PCMT1: variants seen among roughly 807,000 people sequenced by gnomAD.
The protein encoded by PCMT1 is protein-L-isoaspartate(D-aspartate) O-methyltransferase.
Under a neutral mutation model 29.2 loss-of-function variants are expected in PCMT1, and 9 were observed. That is an observed-to-expected ratio of 0.31 (90% CI 0.19 to 0.54). The LOEUF (loss-of-function observed/expected upper bound fraction) is 0.54. Among genes scored for constraint, PCMT1 ranks in the 20% least tolerant of loss-of-function variants. The probability of loss-of-function intolerance (pLI) is 0.95; values close to 1 mark genes in which losing one functional copy is unlikely to be tolerated. For missense variants in PCMT1, 184 were observed against 282.2 expected, an observed-to-expected ratio of 0.65 and a Z score of 2.49; for synonymous variants, 98 against 97.5, an observed-to-expected ratio of 1.00 and a Z score of -0.03.
chr6:149,758,446 G>C (rs1786607205), intron 1 of PCMT1, among the ~76,000 whole-genome samples: 1 of 151,678 alleles, frequency 6.6e-6, no homozygotes, highest in Admixed American at 6.6e-5. Flanking sequence ...TCCTGACTTT[G>C]TGATCTGCCC....
chr6:149,793,129 C>T (rs1788441966), intron 4 of PCMT1, among the ~76,000 whole-genome samples: 2 of 149,326 alleles, frequency 1.3e-5, no homozygotes, highest in African/African-American at 5.0e-5. Context: ...TGCCACTGTA[C>T]TCCAGCCTGG....
intron 2 of PCMT1, 40 bp downstream of exon 2, chr6:149,771,306 T>A: frequency 1.6e-6 from 2 of 1,230,802 alleles, no homozygotes; most frequent in Non-Finnish European, 2.4e-6. Flanking sequence ...GTTTTCATCA[T>A]TTACTTTATG....
chr6:149,773,251 A>G (rs1280269248), intron 3 of PCMT1, 82 bp downstream of exon 3: 1 of 1,117,672 alleles, frequency 8.9e-7, no homozygotes, highest in East Asian at 2.4e-5. Context: ...AGATTTAAAG[A>G]AAGTTGTATC....
intron 1 of PCMT1, among the ~76,000 whole-genome samples, chr6:149,757,521 GA>G: frequency 6.6e-6 from 1 of 152,296 alleles, no homozygotes; most frequent in Non-Finnish European, 1.5e-5. Flanking sequence ...ATGGTGCTTT[GA>G]AGGGATGGAG....
At chr6:149,790,625 C>T (rs1562418373) in intron 4 of PCMT1, among the ~76,000 whole-genome samples, 1 of 150,968 alleles carries the variant, frequency 6.6e-6, no homozygotes. Flanking sequence ...GGACTCTCTA[C>T]AGTACTTGGT....
At chr6:149,788,105 G>A (rs906474955) in intron 3 of PCMT1, among the ~76,000 whole-genome samples, 1 of 152,102 alleles carries the variant, frequency 6.6e-6, no homozygotes, top group African/African-American at 2.4e-5. Flanking sequence ...TTTTAGTAGA[G>A]ATGGGGTTTT....
intron 1 of PCMT1, among the ~76,000 whole-genome samples, chr6:149,764,474 G>A (rs1369750122): frequency 6.6e-6 from 1 of 152,134 alleles, no homozygotes; most frequent in Non-Finnish European, 1.5e-5. Flanking sequence ...TCAGGCTAGG[G>A]ACAGGGGCTC....
chr6:149,752,824 C>T (rs1786376321), intron 1 of PCMT1, among the ~76,000 whole-genome samples: 1 of 151,744 alleles, frequency 6.6e-6, no homozygotes, highest in Non-Finnish European at 1.5e-5. Flanking sequence ...TTTTTTGGGC[C>T]AAATTTGTGG....
intron 1 of PCMT1, among the ~76,000 whole-genome samples, chr6:149,751,023 A>T (rs1434508130): frequency 6.6e-6 from 1 of 152,216 alleles, no homozygotes; most frequent in Non-Finnish European, 1.5e-5. Context: ...ACCATTAAAA[A>T]AAATTTTTTT....
intron 5 of PCMT1, chr6:149,794,929 C>A: frequency 2.2e-6 from 1 of 451,520 alleles, no homozygotes. Flanking sequence ...GATGTGGTGG[C>A]TCATGCCTGT....
rs772049451 is a variant in PCMT1 at position 149,749,842 on chromosome 6, C to T, written c.-60C>T. The T allele has an allele frequency of 5.1e-5, 80 of 1,574,964 alleles. No individual in the cohort carries two copies. In the African/African-American group the frequency reaches 9.0e-4, roughly 18 times the overall value. ...GGAGGTGGTCTCACTCTTGGGAAAA[C>T]TGCTGGGCACCGTCGTCGCGCTGAA... is the stretch of plus-strand genomic sequence containing the variant. On this transcript the variant is annotated 5_prime_UTR_variant, in exon 1 of 8. Transcript: ENST00000464889.
At chr6:149,782,668 A>G (rs1787861342) in intron 3 of PCMT1, among the ~76,000 whole-genome samples, 1 of 152,224 alleles carries the variant, frequency 6.6e-6, no homozygotes, top group South Asian at 2.1e-4. Flanking sequence ...CAAATTGGAG[A>G]GAATTTGAGA....
intron 7 of PCMT1, among the ~76,000 whole-genome samples, chr6:149,804,984 G>A (rs1289632244): frequency 6.6e-6 from 1 of 152,164 alleles, no homozygotes; most frequent in African/African-American, 2.4e-5. Flanking sequence ...GCTTATGCCT[G>A]TAATCCCAAT....
intron 1 of PCMT1, among the ~76,000 whole-genome samples, chr6:149,769,308 C>CTTTTGTTTTTTTTTTTTTT (rs1787214720): frequency 1.4e-5 from 1 of 71,562 alleles, no homozygotes; most frequent in Non-Finnish European, 2.2e-5. Flanking sequence ...GTGCAGGATT[C>CTTTTGTTTTTTTTTTTTTT]TTTTTTTTTT....
At chr6:149,781,912 T>C (rs1316131661) in intron 3 of PCMT1, among the ~76,000 whole-genome samples, 1 of 152,218 alleles carries the variant, frequency 6.6e-6, no homozygotes, top group Admixed American at 6.5e-5. Context: ...CATTCTTTCT[T>C]TACCTCAGCC....
chr6:149,796,365 A>G, intron 5 of PCMT1, 50 bp from the exon 6 acceptor site: 3 of 1,288,184 alleles, frequency 2.3e-6, no homozygotes, highest in Non-Finnish European at 3.4e-6. Flanking sequence ...AATTCTTCAC[A>G]TTAAGTTTGA....
rs191462812 is a variant in PCMT1, at chr6:149,757,730, A to G, written c.55+7774A>G. On this transcript the variant is annotated intron_variant, in intron 1 of 7. Coordinates refer to ENST00000464889, the MANE Select transcript of PCMT1 (RefSeq NM_001360452.2). ...GTCACCAAATATGTTGAAGCAAAGA[A>G]TGGTTGACCATTTCACTGTAAGGGA... 7.3e-3 allele frequency among the ~76,000 whole-genome samples: 1,113 copies of G among 152,304 alleles called. 21 individuals are homozygous for G. Among genetic ancestry groups the G allele is most frequent in the African/African-American group, 0.026 (1,081 of 41,560 alleles).
chr6:149,756,512 C>CTATTTTTTTTT (rs1407016123), intron 1 of PCMT1, among the ~76,000 whole-genome samples: 1 of 74,720 alleles, frequency 1.3e-5, no homozygotes, highest in African/African-American at 5.4e-5. Context: ...CCATGACTGG[C>CTATTTTTTTTT]TTTTTTTTTT....
intron 2 of PCMT1, chr6:149,772,558 A>G (rs1279292803): frequency 4.4e-6 from 2 of 453,662 alleles, no homozygotes; most frequent in Non-Finnish European, 8.8e-6. Context: ...TTCTTAGCTG[A>G]CTCTACAGGA....
Sources: allele counts gnomAD v4.1 joint callset (sites outside exome capture counted in the v4.1 genomes callset), GRCh38; gene constraint gnomAD v4.1.1; transcripts MANE v1.5; gene names NCBI Gene and HGNC (gene_info 2026-07-23, HGNC 2026-07-21).